The following CKMT1B variants were observed in gnomAD, a reference collection of about 807,000 sequenced individuals.
CKMT1B encodes creatine kinase, mitochondrial 1B, also known as creatine kinase U-type, mitochondrial.
In CKMT1B, 13 loss-of-function variants were observed where a neutral mutation model predicts 21.8. That is an observed-to-expected ratio of 0.60 (90% CI 0.39 to 0.95). The LOEUF is 0.95. Ranked by LOEUF, CKMT1B falls within the 40% of genes least tolerant of loss-of-function variation. CKMT1B has a pLI of 0.00. For synonymous variants in CKMT1B, 50 were observed against 80.3 expected, an observed-to-expected ratio of 0.62 and a Z score of 2.02; for missense variants, 157 against 227.5, an observed-to-expected ratio of 0.69 and a Z score of 1.99.
intron 7 of CKMT1B, 116 bp from the exon 8 acceptor site, chr15:43,598,697 TAAAAAAGAAAAAAG>T: frequency 1.5e-6 from 2 of 1,345,816 alleles, no homozygotes; most frequent in East Asian, 2.7e-5. Flanking sequence ...TAAAAAAAAT[TAAAAAAGAAAAAAG>T]AAAAAAGGAA....
At chr15:43,597,534 T>A in intron 6 of CKMT1B, 1 of 1,174,852 alleles carries the variant, frequency 8.5e-7, no homozygotes, top group Non-Finnish European at 1.1e-6. Flanking sequence ...CCTTCTGAAC[T>A]ATAAAGAGGA....
intron 7 of CKMT1B, among the ~76,000 whole-genome samples, chr15:43,598,529 C>A (rs577910518): frequency 1.3e-5 from 2 of 148,704 alleles, no homozygotes; most frequent in South Asian, 4.2e-4. Context: ...GAGTTCAAGA[C>A]CAGCCTGGGC....
chr15:43,596,370 G>C (rs1213425129), intron 5 of CKMT1B, 38 bp from the exon 6 acceptor site: 1 of 1,486,198 alleles, frequency 6.7e-7, no homozygotes, highest in Non-Finnish European at 9.0e-7. Context: ...CCCAATTCTT[G>C]CCTTGCCTCT....
chr15:43,598,352 G>A lies in CKMT1B; in HGVS notation c.1011+25G>A, dbSNP rs772084433. 91 of 1,596,820 alleles carry A rather than the reference G, an allele frequency of 5.7e-5. 2 individuals carry two copies. Among genetic ancestry groups the A allele is most frequent in the Middle Eastern group, 1.7e-4 (1 of 5,992 alleles). On this transcript the variant is annotated intron_variant, in intron 7 of 8. Coordinates refer to ENST00000441322, the MANE Select transcript of CKMT1B (RefSeq NM_001375484.1). ...AGTAAAGGAGTTGTGGGGTTACAGA[G>A]GGGTGTGAGTAAGGAAGGGTGGGTT...
At chr15:43,596,587 G>C (rs1352328954) in intron 6 of CKMT1B, 56 bp downstream of exon 6, 1 of 1,606,414 alleles carries the variant, frequency 6.2e-7, no homozygotes, top group Admixed American at 1.7e-5. Context: ...AAACCAAAGA[G>C]TAGCATAAAT....
chr15:43,597,698 C>A, intron 6 of CKMT1B: 1 of 1,018,540 alleles, frequency 9.8e-7, no homozygotes, highest in Non-Finnish European at 1.2e-6. Flanking sequence ...GGCTTTTCTG[C>A]TCTGTTTTCA....
chr15:43,599,031 A>T (rs1270854560), intron 8 of CKMT1B, 79 bp downstream of exon 8: 5 of 1,596,780 alleles, frequency 3.1e-6, no homozygotes, highest in Non-Finnish European at 4.3e-6. Context: ...AGCCTCCGGG[A>T]TGTAAGATAA....
chr15:43,599,268 C>T lies in CKMT1B; in HGVS notation c.1249C>T (p.His417Tyr), dbSNP rs2085642791. Residue 417 changes from histidine (H) to tyrosine (Y), a missense_variant, in exon 9 of 9, where the codon CAT becomes TAT. By Grantham distance (83) the His-to-Tyr change is moderately conservative (BLOSUM62 2). Transcript: ENST00000441322. ...CCCCACACCTGTCATCCACACCAAG[C>T]ATTAACTCCCCATCGCCAGCTGATG... ...RIPTPVIHTKH is the reference protein window; with the variant it reads ...RIPTPVIHTKY 1 of 1,613,568 alleles carries T rather than the reference C, an allele frequency of 6.2e-7. No homozygotes were observed.
In CKMT1B at chr15:43,597,694, T is replaced by C. The variant is rs574675070; in HGVS notation, c.877-499T>C. 1.2e-4 allele frequency: 126 copies of C among 1,020,422 alleles called. 4 individuals are homozygous for C. Among genetic ancestry groups the C allele is most frequent in the African/African-American group, 5.1e-4 (28 of 54,416 alleles). 63.2% of individuals were successfully genotyped at this position (1,020,422 alleles called of 1,614,324 possible). On this transcript the variant is annotated intron_variant, in intron 6 of 8. Transcript: ENST00000441322. ...CCCCTATTCCTATGAATCTGGCTTT[T>C]CTGCTCTGTTTTCATCTTTCTCTGC...
At chr15:43,599,002 C>G in intron 8 of CKMT1B, 50 bp downstream of exon 8, 2 of 1,605,078 alleles carry the variant, frequency 1.2e-6, no homozygotes, top group Non-Finnish European at 8.5e-7. Flanking sequence ...CTGCGAGGGC[C>G]GAAATATGGC....
chr15:43,597,455 G>C, intron 6 of CKMT1B: 1 of 1,223,968 alleles, frequency 8.2e-7, no homozygotes, highest in Non-Finnish European at 1.1e-6. Context: ...AGTGTTAGCT[G>C]CAATATTATT....
Position 43,596,264 on chromosome 15 carries a change from C to T in CKMT1B, c.724C>T (p.Arg242Ter), listed in dbSNP as rs770387733. The change falls in exon 5 of 9, where the codon CGA (arginine) becomes TGA (stop). Residue 242 changes from arginine to a stop codon, truncating the protein, a stop_gained. Coordinates refer to ENST00000441322, the MANE Select transcript of CKMT1B (RefSeq NM_001375484.1). LOFTEE classifies it high-confidence loss of function. Reference protein sequence around the residue: ...SPLLTAAGMARDWPDARGIWH... With the variant: ...SPLLTAAGMA ...GTTGCTGACTGCAGCAGGAATGGCTCGAGACTGGCCAGATGCTCGTGGAAT... is the reference window on the plus strand; with the variant it reads ...GTTGCTGACTGCAGCAGGAATGGCTTGAGACTGGCCAGATGCTCGTGGAAT... The T allele has an allele frequency of 2.2e-5, 15 of 672,690 alleles. No homozygotes were observed. In the Admixed American group the frequency reaches 2.6e-4, roughly 12 times the overall value. 41.7% of individuals were successfully genotyped at this position (672,690 alleles called of 1,614,324 possible).
chr15:43,599,009 T>C (rs961566295), intron 8 of CKMT1B, 57 bp downstream of exon 8: 42 of 1,603,810 alleles, frequency 2.6e-5, no homozygotes, highest in Non-Finnish European at 3.3e-5. Context: ...GGCCGAAATA[T>C]GGCAGTGAGT....
intron 6 of CKMT1B, among the ~76,000 whole-genome samples, chr15:43,596,912 G>A (rs2085579141): frequency 6.7e-6 from 1 of 148,402 alleles, no homozygotes; most frequent in African/African-American, 2.6e-5. Context: ...AGGTTGCTGT[G>A]TTCATGACTC....
At position 43,597,727 on chromosome 15, in the gene CKMT1B, C is replaced by G; in HGVS notation, c.877-466C>G. ...GTTTTCATCTTTCTCTGCATTCACA[C>G]AGGTGCTCCGTTCACAGCTAACAGA... is the stretch of plus-strand genomic sequence containing the variant. On this transcript the variant is annotated intron_variant, in intron 6 of 8. Transcript: ENST00000441322. 9 of 1,024,342 alleles carry G rather than the reference C, an allele frequency of 8.8e-6. 1 individual carries two copies. Among genetic ancestry groups the G allele is most frequent in the Non-Finnish European group, 1.1e-5 (9 of 834,582 alleles). The allele number at this position is 1,024,342 out of a possible 1,614,324, so 63.5% of individuals were successfully genotyped here.
In CKMT1B at chr15:43,598,844, G is replaced by A. The variant is rs1462184514; in HGVS notation, c.1029G>A (p.Lys343=). The A allele has an allele frequency of 4.4e-6, 7 of 1,608,046 alleles. 1 individual carries two copies. The highest frequency in any genetic ancestry group is 5.9e-6 in the Non-Finnish European group (7 of 1,179,148). ...PLLSKDSRFP[K]ILENLRLQKR... ...CTCTCTAGGATAGCCGCTTCCCAAA[G>A]ATCCTGGAGAACCTAAGACTCCAAA... The change falls in exon 8 of 9, where the codon AAG becomes AAA. Residue 343 remains lysine (K), a synonymous_variant. Transcript: ENST00000441322.
chr15:43,596,074 T>C lies in CKMT1B; in HGVS notation c.663T>C (p.Ile221=), dbSNP rs1030508655. ...CAGAGGCTGAACAGCAGCAGCTTATTGATGTGAGGGCCTTAAGAGGGTGCT... is the reference window on the plus strand; with the variant it reads ...CAGAGGCTGAACAGCAGCAGCTTATCGATGTGAGGGCCTTAAGAGGGTGCT... ...EMTEAEQQQL[I]DDHFLFDKPV... Residue 221 remains isoleucine (I), a synonymous_variant, in exon 4 of 9, where the codon ATT becomes ATC. Coordinates refer to ENST00000441322, the MANE Select transcript of CKMT1B (RefSeq NM_001375484.1). The C allele has an allele frequency of 8.0e-6, 2 of 249,280 alleles. No individual in the cohort carries two copies. Among genetic ancestry groups the C allele is most frequent in the African/African-American group, 1.4e-4 (1 of 7,340 alleles). The allele number at this position is 249,280 out of a possible 1,614,324, so 15.4% of individuals were successfully genotyped here.
At position 43,596,192 on chromosome 15, in the gene CKMT1B, C is replaced by T. The variant is rs1335937101; in HGVS notation, c.667-15C>T. ...CCATGAAGATTCTTAACCCAAGTCC[C>T]GTTACTCTTCCCAGGACCACTTTCT... On this transcript the variant is annotated splice_polypyrimidine_tract_variant and intron_variant, in intron 4 of 8. Coordinates refer to ENST00000441322, the MANE Select transcript of CKMT1B (RefSeq NM_001375484.1). 2.0e-4 allele frequency: 91 copies of T among 456,062 alleles called. 3 individuals are homozygous for T. Among genetic ancestry groups the T allele is most frequent in the Middle Eastern group, 4.9e-4 (1 of 2,054 alleles). 28.3% of individuals were successfully genotyped at this position (456,062 alleles called of 1,614,324 possible).
Position 43,596,547 on chromosome 15 carries a change from G to A in CKMT1B, c.876+16G>A, listed in dbSNP as rs1359082771. On this transcript the variant is annotated intron_variant, in intron 6 of 8. Coordinates refer to ENST00000441322, the MANE Select transcript of CKMT1B (RefSeq NM_001375484.1). The stretch of plus-strand genomic sequence containing the variant: ...CCTCAAAGAGGTTAGAGAAGACTAT[G>A]TAGGGGAGCTAGGTGGGAGGACATA... 6.2e-7 allele frequency: 1 copy of A among 1,608,130 alleles called. No individual in the cohort carries two copies. The highest frequency in any genetic ancestry group is 1.1e-5 in the South Asian group (1 of 90,862).
Sources: gnomAD v4.1 joint callset for allele counts (sites outside exome capture counted in the v4.1 genomes callset) on GRCh38, gnomAD v4.1.1 for gene constraint, MANE v1.5 for transcripts, NCBI Gene and HGNC (gene_info 2026-07-23, HGNC 2026-07-21) for gene names.